The following ARHGAP6 variants were observed in gnomAD, a reference collection of about 807,000 sequenced individuals.
The protein encoded by ARHGAP6 is Rho GTPase activating protein 6.
ARHGAP6 carries 16 observed loss-of-function variants against 55.7 expected under a neutral mutation model. That is an observed-to-expected ratio of 0.29 (90% CI 0.19 to 0.44). The LOEUF (loss-of-function observed/expected upper bound fraction) is 0.44. ARHGAP6 is among the 20% of genes least tolerant of loss of function. ARHGAP6 has a pLI of 1.00. For synonymous variants in ARHGAP6, 382 were observed against 360.9 expected (o/e 1.06, Z -0.66); for missense variants, 698 against 808.9 (o/e 0.86, Z 1.66).
intron 1 of ARHGAP6, among the ~76,000 whole-genome samples, chrX:11,608,465 C>T (rs1420108346): frequency 9.0e-6 from 1 of 111,153 alleles, no homozygotes; most frequent in Non-Finnish European, 1.9e-5. Flanking sequence ...TCATCACTAC[C>T]ATCATAACCA....
chrX:11,211,086 G>A (rs2046787693), intron 2 of ARHGAP6, among the ~76,000 whole-genome samples: 2 of 111,820 alleles, frequency 1.8e-5, no homozygotes, highest in African/African-American at 6.5e-5. Context: ...TCTCTGAGAT[G>A]CTGTAAATAT....
At chrX:11,611,902 C>G (rs1462158446) in intron 1 of ARHGAP6, among the ~76,000 whole-genome samples, 1 of 105,460 alleles carries the variant, frequency 9.5e-6, no homozygotes, top group Non-Finnish European at 2.0e-5. Context: ...GTGGGTGGCA[C>G]ACCCTGGGGA....
intron 1 of ARHGAP6, among the ~76,000 whole-genome samples, chrX:11,510,975 A>C (rs996518012): frequency 1.8e-5 from 2 of 111,806 alleles, no homozygotes; most frequent in African/African-American, 6.5e-5. Flanking sequence ...CAAACCTGAA[A>C]ATATTTACTA....
Position 11,292,238 on chromosome X carries a change from C to T in ARHGAP6, c.589-37531G>A, listed in dbSNP as rs760773555. ...CTGTATCTGGGTAGATATTCAGTAT[C>T]TCCTTTATTGATCTAATATTGATGG... On this transcript the variant is annotated intron_variant, in intron 1 of 12. Transcript: ENST00000337414. 4.5e-5 allele frequency among the ~76,000 whole-genome samples: 5 copies of T among 111,949 alleles called. No individual in the cohort carries two copies. In the East Asian group the frequency reaches 1.4e-3, roughly 31 times the overall value.
At chrX:11,632,441 G>A (rs1476465700) in intron 1 of ARHGAP6, among the ~76,000 whole-genome samples, 3 of 112,040 alleles carry the variant, frequency 2.7e-5, no homozygotes, top group African/African-American at 6.5e-5. Flanking sequence ...CTGCCTTTAT[G>A]GGTAGAGAAT....
At chrX:11,598,658 A>G (rs528284228) in intron 1 of ARHGAP6, among the ~76,000 whole-genome samples, 1 of 112,694 alleles carries the variant, frequency 8.9e-6, no homozygotes, top group African/African-American at 3.2e-5. Flanking sequence ...AGCTCCATCC[A>G]TGTTGCTGCA....
chrX:11,664,361 G>C lies in ARHGAP6; in HGVS notation c.468C>G (p.Leu156=). 1 of 1,212,302 alleles carries C rather than the reference G, an allele frequency of 8.2e-7. No individual in the cohort carries two copies. The highest frequency in any genetic ancestry group is 1.1e-6 in the Non-Finnish European group (1 of 895,573). The change falls in exon 1 of 13, where the codon CTC becomes CTG. Residue 156 remains leucine (L), a synonymous_variant. Coordinates refer to ENST00000337414, the MANE Select transcript of ARHGAP6 (RefSeq NM_013427.3). ...PASSRSASSI[L]CSSGGGPNGI... is the part of the protein sequence containing the mutation. ...CATTGGGGCCTCCCCCGGATGAACA[G>C]AGGATGCTGGAAGCGCTTCGGCTAC...
chrX:11,345,373 A>T (rs1430745441), intron 1 of ARHGAP6, among the ~76,000 whole-genome samples: 1 of 112,658 alleles, frequency 8.9e-6, no homozygotes, highest in Non-Finnish European at 1.9e-5. Context: ...TGTGTCAATG[A>T]AAGGGATTCT....
chrX:11,617,270 A>G (rs1376747958), intron 1 of ARHGAP6, among the ~76,000 whole-genome samples: 1 of 112,398 alleles, frequency 8.9e-6, no homozygotes, highest in Non-Finnish European at 1.9e-5. Flanking sequence ...AAATATGTCT[A>G]CTAGAACATT....
At chrX:11,244,557 T>C (rs146106427) in intron 2 of ARHGAP6, among the ~76,000 whole-genome samples, 1,172 of 112,261 alleles carry the variant, frequency 0.01, 17 homozygotes, top group African/African-American at 0.036. Flanking sequence ...GGTTAAAAAA[T>C]ACACTCAGCA....
At chrX:11,599,210 G>A (rs1238799454) in intron 1 of ARHGAP6, among the ~76,000 whole-genome samples, 1 of 111,853 alleles carries the variant, frequency 8.9e-6, no homozygotes, top group Non-Finnish European at 1.9e-5. Context: ...ATACTGCAAG[G>A]AACATGGGAG....
chrX:11,518,462 CTT>C (rs368595944), intron 1 of ARHGAP6, among the ~76,000 whole-genome samples: 5,762 of 74,696 alleles, frequency 0.077, 155 homozygotes, highest in East Asian at 0.15. Context: ...TTTTTTTTTT[CTT>C]TTTTTTTTTT....
intron 1 of ARHGAP6, among the ~76,000 whole-genome samples, chrX:11,643,019 A>G (rs753733012): frequency 1.8e-5 from 2 of 111,519 alleles, no homozygotes; most frequent in Non-Finnish European, 3.8e-5. Flanking sequence ...GAGATTTGTC[A>G]GAAGGCATTG....
At chrX:11,222,815 T>C (rs1400018661) in intron 2 of ARHGAP6, among the ~76,000 whole-genome samples, 1 of 112,191 alleles carries the variant, frequency 8.9e-6, no homozygotes, top group African/African-American at 3.2e-5. Context: ...AACATGTCGT[T>C]TGAACTGTTG....
At chrX:11,239,594 AT>A (rs2047247349) in intron 2 of ARHGAP6, among the ~76,000 whole-genome samples, 1 of 111,335 alleles carries the variant, frequency 9.0e-6, no homozygotes, top group South Asian at 3.7e-4. Context: ...GGGGCTGGTG[AT>A]TTTTTCATAG....
chrX:11,325,103 C>G (rs993310348), intron 1 of ARHGAP6, among the ~76,000 whole-genome samples: 1 of 112,124 alleles, frequency 8.9e-6, no homozygotes, highest in African/African-American at 3.2e-5. Flanking sequence ...CATGATCCAC[C>G]CGCCTCGGCC....
At chrX:11,526,298 G>C (rs1603242557) in intron 1 of ARHGAP6, among the ~76,000 whole-genome samples, 1 of 111,903 alleles carries the variant, frequency 8.9e-6, no homozygotes, top group Non-Finnish European at 1.9e-5. Flanking sequence ...GTTGTGTTAA[G>C]TGTTGCTTTC....
intron 1 of ARHGAP6, among the ~76,000 whole-genome samples, chrX:11,370,035 G>T (rs2049126885): frequency 8.9e-6 from 1 of 112,253 alleles, no homozygotes; most frequent in African/African-American, 3.2e-5. Context: ...AAATTCCCTG[G>T]GCTGAGGCTG....
At chrX:11,347,670 C>CACGA (rs1212335717) in intron 1 of ARHGAP6, among the ~76,000 whole-genome samples, 1 of 111,951 alleles carries the variant, frequency 8.9e-6, no homozygotes, top group East Asian at 2.8e-4. Flanking sequence ...GAATGTAGAA[C>CACGA]ACGAACTGAA....
Sources: allele counts gnomAD v4.1 joint callset (sites outside exome capture counted in the v4.1 genomes callset), GRCh38; gene constraint gnomAD v4.1.1; transcripts MANE v1.5; gene names NCBI Gene and HGNC (gene_info 2026-07-23, HGNC 2026-07-21).